The following ARHGEF11 variants were observed in gnomAD, a reference collection of about 807,000 sequenced individuals.
The protein encoded by ARHGEF11 is Rho guanine nucleotide exchange factor 11, also known as Rho guanine exchange factor (GEF) 11.
A neutral mutation model predicts 193.7 loss-of-function variants in ARHGEF11; 55 were observed. That is an observed-to-expected ratio of 0.28 (90% CI 0.23 to 0.36). ARHGEF11 has a LOEUF of 0.36. Ranked by LOEUF, ARHGEF11 falls within the 10% of genes least tolerant of loss-of-function variation. ARHGEF11 has a pLI of 1.00. For synonymous variants in ARHGEF11, 693 were observed against 768.0 expected, an observed-to-expected ratio of 0.90 and a Z score of 1.62; for missense variants, 1,723 against 2,005.6, an observed-to-expected ratio of 0.86 and a Z score of 2.69.
intron 9 of ARHGEF11, among the ~76,000 whole-genome samples, chr1:156,969,592 C>A (rs766961319): frequency 3.3e-4 from 51 of 152,292 alleles, no homozygotes; most frequent in Admixed American, 5.2e-4. Flanking sequence ...GGGCACAGGC[C>A]ATGTCACCTC....
At position 156,948,837 on chromosome 1, in the gene ARHGEF11, G is replaced by A; in HGVS notation, c.1926-339C>T. ...CAGAGGCCTGAGACACCATGCTTCT[G>A]TCAAGAAGGTGGTAGACATCATCGT... is the stretch of plus-strand genomic sequence containing the variant. On this transcript the variant is annotated intron_variant, in intron 22 of 40. Coordinates refer to ENST00000368194, the MANE Select transcript of ARHGEF11 (RefSeq NM_198236.3). The surrounding 1 kb of genome is among the most constrained non-coding windows in gnomAD (Gnocchi z 4.2). The A allele has an allele frequency of 4.1e-6, 4 of 985,406 alleles. No homozygotes were observed. Among genetic ancestry groups the A allele is most frequent in the Non-Finnish European group, 4.8e-6 (4 of 829,910 alleles). The allele number at this position is 985,406 out of a possible 1,614,324, so 61.0% of individuals were successfully genotyped here.
chr1:156,963,290 G>C lies in ARHGEF11; in HGVS notation c.1053C>G (p.Phe351Leu). 1 of 1,614,076 alleles carries C rather than the reference G, an allele frequency of 6.2e-7. No homozygotes were observed. The highest frequency in any genetic ancestry group is 8.5e-7 in the Non-Finnish European group (1 of 1,179,994). ...GAGACTTCAGTTTCTCCAGATCCTG[G>C]AATATGATGTCGCTCTGGAAGGCAG... ...GYFNNESDIIFQDLEKLKSRP... is the reference protein window; with the variant it reads ...GYFNNESDIILQDLEKLKSRP... The change falls in exon 13 of 41, where the codon TTC (phenylalanine) becomes TTG (leucine). Residue 351 changes from phenylalanine to leucine, a missense_variant. By Grantham distance (22) the Phe-to-Leu change is conservative. Transcript: ENST00000368194.
chr1:156,984,369 G>A lies in ARHGEF11; in HGVS notation c.193C>T (p.Arg65Cys), dbSNP rs143441387. 20 of 1,596,346 alleles carry A rather than the reference G, an allele frequency of 1.3e-5. No homozygotes were observed. The African/African-American group carries it at 1.9e-4, about 15-fold the overall frequency. Reference sequence around the variant, plus strand: ...CGCACAGACTGCACCAGAACAATGCGATCCCCACTGACTGTGAAGCCGAAG... The same window carrying A: ...CGCACAGACTGCACCAGAACAATGCAATCCCCACTGACTGTGAAGCCGAAG... ...HGFGFTVSGD[R>C]IVLVQSVRPG... is the part of the protein sequence containing the mutation. Residue 65 changes from arginine (R) to cysteine (C), a missense_variant, in exon 3 of 41, where the codon CGC becomes TGC. Arg to Cys is a radical substitution (Grantham distance 180). Around this residue, in one of 5 missense-constraint regions of ARHGEF11, gnomAD observed 646 missense variants for 710.7 expected, o/e 0.91. Transcript: ENST00000368194.
intron 9 of ARHGEF11, 45 bp downstream of exon 9, chr1:156,969,953 G>A: frequency 6.2e-7 from 1 of 1,602,814 alleles, no homozygotes; most frequent in Non-Finnish European, 8.5e-7. Flanking sequence ...TAAGAAACCT[G>A]GACTAGAGAT....
intron 4 of ARHGEF11, among the ~76,000 whole-genome samples, chr1:156,979,894 T>C (rs1012969458): frequency 2.6e-5 from 4 of 152,228 alleles, no homozygotes; most frequent in Admixed American, 2.0e-4. Flanking sequence ...TTCACACACA[T>C]GTGAATGTCC....
At chr1:156,962,723 A>G (rs1661083503) in intron 13 of ARHGEF11, among the ~76,000 whole-genome samples, 1 of 151,504 alleles carries the variant, frequency 6.6e-6, no homozygotes, top group Non-Finnish European at 1.5e-5. Flanking sequence ...CTAAAAATAC[A>G]AAAAAATTAG....
intron 1 of ARHGEF11, among the ~76,000 whole-genome samples, chr1:157,034,365 A>G (rs1671651328): frequency 6.6e-6 from 1 of 151,894 alleles, no homozygotes; most frequent in East Asian, 1.9e-4. Context: ...TGCCCATCAG[A>G]CTCCTGCAGG....
Position 156,948,806 on chromosome 1 carries a change from T to A in ARHGEF11, c.1926-308A>T. 2 of 985,432 alleles carry A rather than the reference T, an allele frequency of 2.0e-6. No homozygotes were observed. Among genetic ancestry groups the A allele is most frequent in the Non-Finnish European group, 2.4e-6 (2 of 829,928 alleles). 61.0% of individuals were successfully genotyped at this position (985,432 alleles called of 1,614,324 possible). On this transcript the variant is annotated intron_variant, in intron 22 of 40. Transcript: ENST00000368194. The surrounding 1 kb of genome is among the most constrained non-coding windows in gnomAD (Gnocchi z 4.2). ...GGGGCTAACAGACTCTGAGTTGTAGTGTGTCCAGAGGCCTGAGACACCATG... is the reference window on the plus strand; with the variant it reads ...GGGGCTAACAGACTCTGAGTTGTAGAGTGTCCAGAGGCCTGAGACACCATG...
intron 1 of ARHGEF11, among the ~76,000 whole-genome samples, chr1:157,038,849 T>C (rs958876760): frequency 4.6e-5 from 7 of 152,086 alleles, no homozygotes; most frequent in African/African-American, 9.7e-5. Context: ...GGCAACATGG[T>C]GAACCTCATA....
chr1:156,988,754 G>A (rs145969186), intron 1 of ARHGEF11, among the ~76,000 whole-genome samples: 1 of 152,176 alleles, frequency 6.6e-6, no homozygotes, highest in African/African-American at 2.4e-5. Context: ...GCAGGTATGT[G>A]GGGGACAAGG....
chr1:156,980,364 G>A (rs1663942919), intron 4 of ARHGEF11, 73 bp downstream of exon 4: 2 of 1,536,110 alleles, frequency 1.3e-6, no homozygotes, highest in Middle Eastern at 1.7e-4. Flanking sequence ...TGTGCAGGAT[G>A]GGCCAAGGCC....
chr1:156,986,744 C>T (rs545717023), intron 1 of ARHGEF11, among the ~76,000 whole-genome samples: 1 of 152,274 alleles, frequency 6.6e-6, no homozygotes, highest in Non-Finnish European at 1.5e-5. Context: ...CTCAAAGTTC[C>T]ACCTCTCCAT....
At chr1:157,035,695 A>G (rs1368016726) in intron 1 of ARHGEF11, among the ~76,000 whole-genome samples, 1 of 151,288 alleles carries the variant, frequency 6.6e-6, no homozygotes, top group Non-Finnish European at 1.5e-5. Context: ...TCTCTACATT[A>G]GTCAACTAGA....
At chr1:156,936,157 A>G in intron 40 of ARHGEF11, 99 bp from the exon 41 acceptor site, 3 of 1,221,710 alleles carry the variant, frequency 2.5e-6, no homozygotes, top group Non-Finnish European at 1.2e-6. Flanking sequence ...CAGATCCTTC[A>G]TCACCTTCCT....
At chr1:156,949,150 C>T in intron 22 of ARHGEF11, 1 of 979,682 alleles carries the variant, frequency 1.0e-6, no homozygotes, top group Non-Finnish European at 1.2e-6. Flanking sequence ...CATTTCCTCT[C>T]AAGAGCAGAC....
At chr1:156,965,476 C>T (rs923771928) in intron 11 of ARHGEF11, among the ~76,000 whole-genome samples, 1 of 152,124 alleles carries the variant, frequency 6.6e-6, no homozygotes, top group Non-Finnish European at 1.5e-5. Context: ...ATTCTAATGG[C>T]CAACTTTTTT....
intron 1 of ARHGEF11, among the ~76,000 whole-genome samples, chr1:157,033,743 C>T (rs1671578365): frequency 6.6e-6 from 1 of 152,188 alleles, no homozygotes; most frequent in Non-Finnish European, 1.5e-5. Flanking sequence ...CACCACCATG[C>T]TCTTTCTTGC....
At chr1:156,938,541 G>T (rs200020348) in intron 37 of ARHGEF11, 28 bp from the exon 38 acceptor site, 13 of 1,605,868 alleles carry the variant, frequency 8.1e-6, no homozygotes, top group African/African-American at 1.3e-5. Context: ...CCACCAGGAA[G>T]AGGAGAGACC....
intron 1 of ARHGEF11, among the ~76,000 whole-genome samples, chr1:157,040,085 A>C (rs1672548044): frequency 6.6e-6 from 1 of 152,222 alleles, no homozygotes; most frequent in Non-Finnish European, 1.5e-5. Context: ...CTCTTTCAGA[A>C]ATGTTTTTGA....
Sources: gnomAD v4.1 joint callset for allele counts (sites outside exome capture counted in the v4.1 genomes callset) on GRCh38, gnomAD v4.1.1 for gene constraint, gnomAD v4.1.1 regional missense constraint, Gnocchi (gnomAD v3.1) non-coding constraint, MANE v1.5 for transcripts, NCBI Gene and HGNC (gene_info 2026-07-23, HGNC 2026-07-21) for gene names.